ALMS1: variants seen among roughly 807,000 people sequenced by gnomAD.
The protein encoded by ALMS1 is centrosome-associated protein ALMS1.
A neutral mutation model predicts 352.2 loss-of-function variants in ALMS1; 271 were observed. The ratio of observed to expected loss-of-function variants is 0.77; its 90% CI spans 0.70 to 0.85. The LOEUF (loss-of-function observed/expected upper bound fraction) is 0.85, where lower values mean the gene tolerates loss of function less well. Ranked by LOEUF, ALMS1 falls within the 40% of genes least tolerant of loss-of-function variation. ALMS1 has a pLI of 0.00. For missense variants in ALMS1, 5,445 were observed against 4,870.7 expected (o/e 1.12, Z -3.51); for synonymous variants, 1,865 against 1,761.2 (o/e 1.06, Z -1.48).
chr2:73,447,929 A>G, intron 7 of ALMS1, 31 bp from the exon 8 acceptor site: 2 of 1,559,952 alleles, frequency 1.3e-6, no homozygotes, highest in Non-Finnish European at 1.7e-6. Context: ...AGAAAATTTT[A>G]TATACTATTA....
chr2:73,414,493 T>TG (rs1553399418), intron 2 of ALMS1, among the ~76,000 whole-genome samples: 1 of 147,070 alleles, frequency 6.8e-6, no homozygotes, highest in Non-Finnish European at 1.5e-5. Context: ...TTTTTTGTTT[T>TG]TTTTTTGCTT....
chr2:73,467,788 C>G (rs1672387162), intron 9 of ALMS1, among the ~76,000 whole-genome samples: 1 of 152,010 alleles, frequency 6.6e-6, no homozygotes, highest in Non-Finnish European at 1.5e-5. Flanking sequence ...GCCTCAACAA[C>G]CTTGAAAGCT....
At chr2:73,492,938 A>G (rs1179098228) in intron 10 of ALMS1, among the ~76,000 whole-genome samples, 2 of 151,500 alleles carry the variant, frequency 1.3e-5, no homozygotes, top group Admixed American at 6.6e-5. Flanking sequence ...AGGTTTTGCC[A>G]TGTTGGCAAG....
chr2:73,468,562 C>G (rs1194920557), intron 9 of ALMS1, among the ~76,000 whole-genome samples: 1 of 151,934 alleles, frequency 6.6e-6, no homozygotes, highest in East Asian at 1.9e-4. Flanking sequence ...TCCCATCTGC[C>G]CCAGGCAGCC....
chr2:73,532,369 T>A (rs1176703611), intron 11 of ALMS1, among the ~76,000 whole-genome samples: 1 of 151,876 alleles, frequency 6.6e-6, no homozygotes, highest in East Asian at 1.9e-4. Flanking sequence ...CCAGAATTGC[T>A]GTCTGGGAGC....
At chr2:73,519,655 T>C in intron 10 of ALMS1, 120 bp from the exon 11 acceptor site, 5 of 1,289,932 alleles carry the variant, frequency 3.9e-6, no homozygotes, top group Non-Finnish European at 5.4e-6. Flanking sequence ...TTGACATTGA[T>C]GTGTCCACAA....
Position 73,455,293 on chromosome 2 carries a change from A to G in ALMS1, c.7672A>G (p.Lys2558Glu), listed in dbSNP as rs1200012970. The G allele has an allele frequency of 1.2e-6, 2 of 1,614,022 alleles. No individual in the cohort carries two copies. The highest frequency in any genetic ancestry group is 1.1e-5 in the South Asian group (1 of 91,078). ...TCATGGAAGAACAACTGACTTGTCC[A>G]AGGTATAAAAGAAATCTGGAAATGA... ...FGHGRTTDLS[K>E]GLQSPRGMGC... Residue 2558 changes from lysine (K) to glutamate (E), a missense_variant and splice_region_variant, in exon 9 of 23, where the codon AAG becomes GAG. Lys to Glu is a moderately conservative substitution (Grantham distance 56, BLOSUM62 1). Coordinates refer to ENST00000613296, the MANE Select transcript of ALMS1 (RefSeq NM_001378454.1).
At chr2:73,548,111 A>G (rs953609770) in intron 12 of ALMS1, among the ~76,000 whole-genome samples, 6 of 152,188 alleles carry the variant, frequency 3.9e-5, no homozygotes, top group Non-Finnish European at 5.9e-5. Context: ...TGAGATTCCT[A>G]TTATACATCC....
chr2:73,463,976 T>G (rs1349888650), intron 9 of ALMS1, among the ~76,000 whole-genome samples: 2 of 152,098 alleles, frequency 1.3e-5, no homozygotes, highest in Admixed American at 6.5e-5. Flanking sequence ...CCAAAAAAAG[T>G]CCAGGTCCAG....
In ALMS1 at chr2:73,572,409, G is replaced by A. The variant is rs2104104105; in HGVS notation, c.10532G>A (p.Trp3511Ter). Residue 3511 changes from tryptophan to a stop codon, truncating the protein, a stop_gained, in exon 16 of 23, where the codon TGG becomes TAG. Transcript: ENST00000613296. LOFTEE classifies it high-confidence loss of function. ...AAGAGTGTTTTCATGAGACATTCTT[G>A]GAAAGATTTCTTTCAGCATCATCCA... ...LGKSVFMRHSWKDFFQHHPDK... is the reference protein window; with the variant it reads ...LGKSVFMRHS 4 of 1,611,212 alleles carry A rather than the reference G, an allele frequency of 2.5e-6. No individual in the cohort carries two copies. The East Asian group carries it at 8.9e-5, about 36-fold the overall frequency.
intron 9 of ALMS1, among the ~76,000 whole-genome samples, chr2:73,468,308 A>C (rs1672399278): frequency 6.6e-6 from 1 of 150,958 alleles, no homozygotes; most frequent in Non-Finnish European, 1.5e-5. Context: ...TTTATTAATA[A>C]GACTCTATAT....
At chr2:73,535,906 C>G (rs920447838) in intron 12 of ALMS1, among the ~76,000 whole-genome samples, 1 of 151,888 alleles carries the variant, frequency 6.6e-6, no homozygotes, top group Admixed American at 6.6e-5. Flanking sequence ...AGAAGTTGCC[C>G]CTGGTCTTAG....
intron 15 of ALMS1, among the ~76,000 whole-genome samples, chr2:73,561,241 T>G (rs911964755): frequency 6.6e-6 from 1 of 152,212 alleles, no homozygotes; most frequent in Non-Finnish European, 1.5e-5. Flanking sequence ...ATTGTACTTC[T>G]TAGATAAAAC....
In ALMS1 at chr2:73,449,538, C is replaced by T. The variant is rs1359874667; in HGVS notation, c.3011C>T (p.Ser1004Leu). The T allele has an allele frequency of 6.2e-7, 1 of 1,614,022 alleles. No homozygotes were observed. The highest frequency in any genetic ancestry group is 1.1e-5 in the South Asian group (1 of 91,084). Residue 1004 changes from serine to leucine, a missense_variant, in exon 8 of 23, where the codon TCA becomes TTA. Ser to Leu is a moderately radical substitution (Grantham distance 145, BLOSUM62 -2). Transcript: ENST00000613296. ...CCAACAGTACCTTCAGGTTCCTTCT[C>T]ACATAGAGAGAAGCCCAGTATTTTC... ...PTPTVPSGSFSHREKPSIFYQ... is the reference protein window; with the variant it reads ...PTPTVPSGSFLHREKPSIFYQ...
intron 11 of ALMS1, among the ~76,000 whole-genome samples, chr2:73,522,345 A>G (rs1673699237): frequency 6.6e-6 from 1 of 152,208 alleles, no homozygotes; most frequent in Non-Finnish European, 1.5e-5. Flanking sequence ...CAGTATTCTA[A>G]CAATAACTAC....
Position 73,476,744 on chromosome 2 carries a change from C to T in ALMS1, c.7675-12890C>T, listed in dbSNP as rs549442885. Among the ~76,000 whole-genome samples, 3 of 151,948 alleles carry T rather than the reference C, an allele frequency of 2.0e-5. No individual in the cohort carries two copies. In the South Asian group the frequency reaches 6.2e-4, roughly 32 times the overall value. On this transcript the variant is annotated intron_variant, in intron 9 of 22. Coordinates refer to ENST00000613296, the MANE Select transcript of ALMS1 (RefSeq NM_001378454.1). ...CTGGAGAAATGTCTATTATTTTTGC[C>T]TATCTTTGAATCAGGTTTTGTTGTT...
chr2:73,569,978 AT>A (rs544987017), intron 15 of ALMS1, among the ~76,000 whole-genome samples: 242 of 152,344 alleles, frequency 1.6e-3, no homozygotes, highest in African/African-American at 5.7e-3. Context: ...TATTTGACAA[AT>A]AGATTGGAAA....
chr2:73,534,747 A>G (rs1673990123), intron 11 of ALMS1, 77 bp from the exon 12 acceptor site: 6 of 1,503,430 alleles, frequency 4.0e-6, no homozygotes, highest in Admixed American at 1.7e-5. Flanking sequence ...TGCCTGAAAC[A>G]TAGAAGGCAT....
rs752778908 is a variant in ALMS1 at position 73,452,208 on chromosome 2, G to T, written c.5681G>T (p.Ser1894Ile). The T allele has an allele frequency of 3.7e-6, 6 of 1,614,048 alleles. No individual in the cohort carries two copies. The highest frequency in any genetic ancestry group is 5.1e-6 in the Non-Finnish European group (6 of 1,180,004). Residue 1894 changes from serine to isoleucine, a missense_variant, in exon 8 of 23, where the codon AGT (serine) becomes ATT (isoleucine). Coordinates refer to ENST00000613296, the MANE Select transcript of ALMS1 (RefSeq NM_001378454.1). Reference sequence around the variant, plus strand: ...ACTGGGATACAAATAGCATCCTCTAGTTCCTACTCAAATAGAGAGAAGGCC... The same window carrying T: ...ACTGGGATACAAATAGCATCCTCTATTTCCTACTCAAATAGAGAGAAGGCC... Reference protein sequence around the residue: ...QKTGIQIASSSSYSNREKASI... With the variant: ...QKTGIQIASSISYSNREKASI...
Sources: gnomAD v4.1 joint callset for allele counts (sites outside exome capture counted in the v4.1 genomes callset) on GRCh38, gnomAD v4.1.1 for gene constraint, MANE v1.5 for transcripts, NCBI Gene and HGNC (gene_info 2026-07-23, HGNC 2026-07-21) for gene names.